The following FRG2C variants were observed in gnomAD, a reference collection of about 807,000 sequenced individuals.
FRG2C encodes the protein protein FRG2-like-2.
FRG2C carries 8 observed loss-of-function variants against 14.1 expected under a neutral mutation model. The ratio of observed to expected loss-of-function variants is 0.57; its 90% CI spans 0.33 to 1.02. FRG2C has a LOEUF of 1.02. FRG2C is among the 50% of genes least tolerant of loss of function. The pLI, the probability that FRG2C is intolerant of heterozygous loss-of-function variation, is 0.03. For synonymous variants in FRG2C, 92 were observed against 127.4 expected (o/e 0.72, Z 1.87); for missense variants, 214 against 334.2 (o/e 0.64, Z 2.80).
In FRG2C at chr3:75,667,114, T is replaced by C; in HGVS notation, c.*1073T>C. ...GTGTATTAATGACTTGTTTGGTTGC[T>C]TTATAATTTTCATTTTATGTAATAA... On this transcript the variant is annotated 3_prime_UTR_variant, in exon 4 of 4. Coordinates refer to ENST00000308062, the MANE Select transcript of FRG2C (RefSeq NM_001124759.5). 1 of 152,318 alleles carries C rather than the reference T, an allele frequency of 6.6e-6. No individual in the cohort carries two copies. Among genetic ancestry groups the C allele is most frequent in the Middle Eastern group, 3.2e-3 (1 of 316 alleles). The allele number at this position is 152,318 out of a possible 1,614,324, so 9.4% of individuals were successfully genotyped here.
At chr3:75,665,465 G>A (rs1387435471) in intron 3 of FRG2C, 62 bp from the exon 4 acceptor site, 41 of 1,568,616 alleles carry the variant, frequency 2.6e-5, no homozygotes, top group Non-Finnish European at 2.9e-5. Context: ...TGCACAGGGG[G>A]TTCTGGAAAT....
At position 75,665,639 on chromosome 3, in the gene FRG2C, T is replaced by C; in HGVS notation, c.447T>C (p.Ser149=). Residue 149 remains serine, a synonymous_variant, in exon 4 of 4, where the codon AGT becomes AGC. Transcript: ENST00000308062. Reference sequence around the variant, plus strand: ...CCTGTGATGCCCACCATAGGGGAAGTTCCAGGGCTTGCACTGGGCGCAGCA... The same window carrying C: ...CCTGTGATGCCCACCATAGGGGAAGCTCCAGGGCTTGCACTGGGCGCAGCA... The part of the protein sequence containing the change: ...QETCDAHHRG[S]SRACTGRSKR... 1 of 1,614,052 alleles carries C rather than the reference T, an allele frequency of 6.2e-7. No individual in the cohort carries two copies. Among genetic ancestry groups the C allele is most frequent in the Non-Finnish European group, 8.5e-7 (1 of 1,179,854 alleles).
Position 75,665,917 on chromosome 3 carries a change from T to G in FRG2C, c.725T>G (p.Leu242Arg). 6.2e-7 allele frequency: 1 copy of G among 1,613,408 alleles called. No individual in the cohort carries two copies. Among genetic ancestry groups the G allele is most frequent in the Non-Finnish European group, 8.5e-7 (1 of 1,179,878 alleles). The change falls in exon 4 of 4, where the codon CTT (leucine) becomes CGT (arginine). Residue 242 changes from leucine to arginine, a missense_variant. Leu to Arg is a moderately radical substitution (Grantham distance 102). This residue lies in a region of FRG2C where 55 missense variants were observed against 118.9 expected (regional missense o/e 0.46). Transcript: ENST00000308062. ...TATGTCTTCCCTGCTGAGAGCTGGCTTGTCCCAGCCACACTGCCTGGTCCT... is the reference window on the plus strand; with the variant it reads ...TATGTCTTCCCTGCTGAGAGCTGGCGTGTCCCAGCCACACTGCCTGGTCCT... ...AAYVFPAESW[L>R]VPATLPGPGD...
In FRG2C at chr3:75,665,957, G is replaced by A. The variant is rs1337777166; in HGVS notation, c.765G>A (p.Leu255=). 17 of 1,612,262 alleles carry A rather than the reference G, an allele frequency of 1.1e-5. No homozygotes were observed. In the East Asian group the frequency reaches 1.8e-4, roughly 17 times the overall value. The change falls in exon 4 of 4, where the codon CTG becomes CTA. Residue 255 remains leucine (L), a synonymous_variant. Transcript: ENST00000308062. ...TGCCTGGTCCTGGGGATTCAGCCCT[G>A]GATAGAGAAGCCCATCCCTTCCCTG... ...ATLPGPGDSA[L]DREAHPFPGQ...
chr3:75,665,174 G>A lies in FRG2C; in HGVS notation c.305G>A (p.Ser102Asn). 2.5e-6 allele frequency: 4 copies of A among 1,614,070 alleles called. No homozygotes were observed. The highest frequency in any genetic ancestry group is 3.4e-6 in the Non-Finnish European group (4 of 1,179,908). ...YQENCRKRKI[S>N]SKDICQDRAG... Reference sequence around the variant, plus strand: ...GAAAACTGCAGGAAAAGAAAAATCAGTTCCAAGGATATCTGCCAAGACAGA... The same window carrying A: ...GAAAACTGCAGGAAAAGAAAAATCAATTCCAAGGATATCTGCCAAGACAGA... Residue 102 changes from serine to asparagine, a missense_variant, in exon 3 of 4, where the codon AGT becomes AAT. Transcript: ENST00000308062.
Position 75,665,177 on chromosome 3 carries a change from C to T in FRG2C, c.308C>T (p.Ser103Phe). 6.2e-7 allele frequency: 1 copy of T among 1,614,148 alleles called. No individual in the cohort carries two copies. The highest frequency in any genetic ancestry group is 1.1e-5 in the South Asian group (1 of 91,088). The change falls in exon 3 of 4, where the codon TCC (serine) becomes TTC (phenylalanine). Residue 103 changes from serine to phenylalanine, a missense_variant. Around this residue, in one of 3 missense-constraint regions of FRG2C, gnomAD observed 136 missense variants for 148.1 expected, o/e 0.92. Coordinates refer to ENST00000308062, the MANE Select transcript of FRG2C (RefSeq NM_001124759.5). ...AACTGCAGGAAAAGAAAAATCAGTTCCAAGGATATCTGCCAAGACAGAGCA... is the reference window on the plus strand; with the variant it reads ...AACTGCAGGAAAAGAAAAATCAGTTTCAAGGATATCTGCCAAGACAGAGCA... ...QENCRKRKIS[S>F]KDICQDRAGN...
rs1937075454 is a variant in FRG2C, at chr3:75,665,728, C to G, written c.536C>G (p.Ser179Cys). 4 of 1,614,072 alleles carry G rather than the reference C, an allele frequency of 2.5e-6. No homozygotes were observed. Among genetic ancestry groups the G allele is most frequent in the Non-Finnish European group, 3.4e-6 (4 of 1,179,884 alleles). ...TPSLRKSLVT[S>C]VRAMSEAVYQ... ...TCACTTCGAAAAAGCTTGGTGACCT[C>G]TGTGCGAGCTATGTCGGAGGCTGTT... is the stretch of plus-strand genomic sequence containing the variant. Residue 179 changes from serine to cysteine, a missense_variant, in exon 4 of 4, where the codon TCT becomes TGT. Transcript: ENST00000308062.
In FRG2C at chr3:75,665,638, G is replaced by C; in HGVS notation, c.446G>C (p.Ser149Thr). 2 of 1,614,042 alleles carry C rather than the reference G, an allele frequency of 1.2e-6. No homozygotes were observed. Among genetic ancestry groups the C allele is most frequent in the Non-Finnish European group, 1.7e-6 (2 of 1,179,848 alleles). The change falls in exon 4 of 4, where the codon AGT becomes ACT. Residue 149 changes from serine to threonine, a missense_variant. Around this residue, in one of 3 missense-constraint regions of FRG2C, gnomAD observed 136 missense variants for 148.1 expected, o/e 0.92. Coordinates refer to ENST00000308062, the MANE Select transcript of FRG2C (RefSeq NM_001124759.5). ...ACCTGTGATGCCCACCATAGGGGAA[G>C]TTCCAGGGCTTGCACTGGGCGCAGC... ...QETCDAHHRGSSRACTGRSKR... is the reference protein window; with the variant it reads ...QETCDAHHRGTSRACTGRSKR...
At position 75,665,710 on chromosome 3, in the gene FRG2C, GA is replaced by G; in HGVS notation, c.523del (p.Ser175AlafsTer3). ...RALEVQTPSL[R>X]KSLVTSVRAM... Reference sequence around the variant, plus strand: ...CTAGAAGTCCAAACACCGTCACTTCGAAAAAGCTTGGTGACCTCTGTGCGAG... The same window carrying G: ...CTAGAAGTCCAAACACCGTCACTTCGAAAAGCTTGGTGACCTCTGTGCGAG... On this transcript the variant is annotated frameshift_variant, in exon 4 of 4. Transcript: ENST00000308062. LOFTEE classifies it low-confidence loss of function (END_TRUNC). 3.1e-6 allele frequency: 5 copies of G among 1,613,978 alleles called. No individual in the cohort carries two copies. Among genetic ancestry groups the G allele is most frequent in the Non-Finnish European group, 4.2e-6 (5 of 1,179,854 alleles).
At position 75,667,084 on chromosome 3, in the gene FRG2C, T is replaced by C. The variant is rs1937127612; in HGVS notation, c.*1043T>C. 6.6e-6 allele frequency: 1 copy of C among 152,314 alleles called. No individual in the cohort carries two copies. Among genetic ancestry groups the C allele is most frequent in the Admixed American group, 6.5e-5 (1 of 15,288 alleles). 9.4% of individuals were successfully genotyped at this position (152,314 alleles called of 1,614,324 possible). ...ACTGAGATCATACAATCTTTCATTATCTAAGTGTATTAATGACTTGTTTGG... is the reference window on the plus strand; with the variant it reads ...ACTGAGATCATACAATCTTTCATTACCTAAGTGTATTAATGACTTGTTTGG... On this transcript the variant is annotated 3_prime_UTR_variant, in exon 4 of 4. Coordinates refer to ENST00000308062, the MANE Select transcript of FRG2C (RefSeq NM_001124759.5).
At position 75,665,939 on chromosome 3, in the gene FRG2C, T is replaced by C; in HGVS notation, c.747T>C (p.Gly249=). ...ESWLVPATLP[G]PGDSALDREA... Reference sequence around the variant, plus strand: ...GGCTTGTCCCAGCCACACTGCCTGGTCCTGGGGATTCAGCCCTGGATAGAG... The same window carrying C: ...GGCTTGTCCCAGCCACACTGCCTGGCCCTGGGGATTCAGCCCTGGATAGAG... The change falls in exon 4 of 4, where the codon GGT becomes GGC. Residue 249 remains glycine, a synonymous_variant. Coordinates refer to ENST00000308062, the MANE Select transcript of FRG2C (RefSeq NM_001124759.5). The C allele has an allele frequency of 1.2e-6, 2 of 1,612,572 alleles. No homozygotes were observed. The highest frequency in any genetic ancestry group is 1.7e-6 in the Non-Finnish European group (2 of 1,179,868).
chr3:75,664,640 T>C (rs1312464812), intron 1 of FRG2C, 83 bp downstream of exon 1: 325 of 1,613,496 alleles, frequency 2.0e-4, no homozygotes, highest in Non-Finnish European at 2.6e-4. Flanking sequence ...AGCAGGGTTT[T>C]ATTTTGAGAT....
Position 75,666,102 on chromosome 3 carries a change from C to G in FRG2C, c.*61C>G. The G allele has an allele frequency of 6.2e-7, 1 of 1,609,576 alleles. No homozygotes were observed. Among genetic ancestry groups the G allele is most frequent in the Non-Finnish European group, 8.5e-7 (1 of 1,178,926 alleles). ...ACAAGGACCTGCTTCTTCTCAGATT[C>G]TTCCAGACGACCAGCAGTGACAATT... On this transcript the variant is annotated 3_prime_UTR_variant, in exon 4 of 4. Transcript: ENST00000308062.
chr3:75,664,754 G>A, intron 1 of FRG2C, 65 bp from the exon 2 acceptor site: 3 of 1,610,140 alleles, frequency 1.9e-6, no homozygotes, highest in Non-Finnish European at 2.6e-6. Context: ...TCTCAAAAAT[G>A]CATGAGAGAT....
rs1575741217 is a variant in FRG2C, at chr3:75,666,144, A to C, written c.*103A>C. On this transcript the variant is annotated 3_prime_UTR_variant, in exon 4 of 4. Transcript: ENST00000308062. ...GTGACAATTTTAGATGCACTGTGTT[A>C]ATAAATGACAGAACCTGAAGAAGTC... 2.5e-6 allele frequency: 4 copies of C among 1,579,292 alleles called. No individual in the cohort carries two copies. The highest frequency in any genetic ancestry group is 2.2e-5 in the East Asian group (1 of 44,728).
intron 1 of FRG2C, 111 bp from the exon 2 acceptor site, chr3:75,664,708 T>C: frequency 6.2e-7 from 1 of 1,605,902 alleles, no homozygotes; most frequent in Non-Finnish European, 8.5e-7. Flanking sequence ...TGTTCACTCA[T>C]GACACTGGCA....
chr3:75,664,675 C>A (rs76150033), intron 1 of FRG2C, 118 bp downstream of exon 1: 3 of 1,599,922 alleles, frequency 1.9e-6, no homozygotes, highest in Non-Finnish European at 2.6e-6. Context: ...TGGCTTAGTG[C>A]CCTTAGGGGA....
chr3:75,664,998 C>G lies in FRG2C; in HGVS notation c.256+102C>G, dbSNP rs1404297586. 1.6e-5 allele frequency: 26 copies of G among 1,600,900 alleles called. No individual in the cohort carries two copies. The African/African-American group carries it at 2.8e-4, about 17-fold the overall frequency. Reference sequence around the variant, plus strand: ...CTTGGCAGCCAGGGCAGTACAGATCCTGGACACTGGAGAACAGAAGAGAGC... The same window carrying G: ...CTTGGCAGCCAGGGCAGTACAGATCGTGGACACTGGAGAACAGAAGAGAGC... On this transcript the variant is annotated intron_variant, in intron 2 of 3. Transcript: ENST00000308062.
At chr3:75,665,267 A>C (rs1384022456) in intron 3 of FRG2C, 64 bp downstream of exon 3, 8 of 1,557,986 alleles carry the variant, frequency 5.1e-6, no homozygotes, top group African/African-American at 2.7e-5. Context: ...GGTTTGCCCC[A>C]AAAGGCAAAT....
Sources: gnomAD v4.1 joint callset for allele counts on GRCh38, gnomAD v4.1.1 for gene constraint, gnomAD v4.1.1 regional missense constraint, MANE v1.5 for transcripts, NCBI Gene and HGNC (gene_info 2026-07-23, HGNC 2026-07-21) for gene names.